The following HIRA variants were observed in gnomAD, a reference collection of about 807,000 sequenced individuals.
The protein encoded by HIRA is histone cell cycle regulator, also known as protein HIRA.
HIRA carries 13 observed loss-of-function variants against 126.6 expected under a neutral mutation model. The observed-to-expected ratio is 0.10, with a 90% CI of 0.07 to 0.16. The LOEUF (loss-of-function observed/expected upper bound fraction) is 0.16. Ranked by LOEUF, HIRA falls within the 10% of genes least tolerant of loss-of-function variation. The pLI, the probability that HIRA is intolerant of heterozygous loss-of-function variation, is 1.00. For missense variants in HIRA, 834 were observed against 1,314.4 expected, an observed-to-expected ratio of 0.63 and a Z score of 5.65; for synonymous variants, 511 against 520.0, an observed-to-expected ratio of 0.98 and a Z score of 0.24.
intron 1 of HIRA, among the ~76,000 whole-genome samples, chr22:19,414,749 T>C (rs2089381813): frequency 6.6e-6 from 1 of 152,188 alleles, no homozygotes; most frequent in Non-Finnish European, 1.5e-5. Flanking sequence ...GGGCCGGTCA[T>C]GGTGGCTCAC....
chr22:19,411,276 T>A (rs2089350115), intron 1 of HIRA, among the ~76,000 whole-genome samples: 1 of 152,256 alleles, frequency 6.6e-6, no homozygotes, highest in Non-Finnish European at 1.5e-5. Context: ...CATCTCAGCA[T>A]CTCCTCTGGC....
At chr22:19,418,925 AACACAC>A (rs66479451) in intron 1 of HIRA, among the ~76,000 whole-genome samples, 16 of 149,970 alleles carry the variant, frequency 1.1e-4, no homozygotes, top group South Asian at 4.2e-4. Flanking sequence ...ATAAGAAATA[AACACAC>A]ACACACACAC....
intron 1 of HIRA, among the ~76,000 whole-genome samples, chr22:19,416,193 A>T (rs1385455443): frequency 6.6e-6 from 1 of 152,254 alleles, no homozygotes; most frequent in Non-Finnish European, 1.5e-5. Flanking sequence ...ATGAAGTTGG[A>T]TCCCTATCTC....
At chr22:19,429,133 CT>C (rs57853722) in intron 1 of HIRA, among the ~76,000 whole-genome samples, 18,065 of 76,574 alleles carry the variant, frequency 0.24, 392 homozygotes, top group African/African-American at 0.32. Context: ...GTTGCCATAT[CT>C]TTTTTTTTTT....
rs1556004389 is a variant in HIRA at position 19,331,105 on chromosome 22, C to A, written c.*335G>T. 1 of 1,239,652 alleles carries A rather than the reference C, an allele frequency of 8.1e-7. No individual in the cohort carries two copies. Among genetic ancestry groups the A allele is most frequent in the African/African-American group, 1.5e-5 (1 of 64,992 alleles). The allele number at this position is 1,239,652 out of a possible 1,614,324, so 76.8% of individuals were successfully genotyped here. A position where few individuals can be genotyped will look rare whatever the true frequency, so the allele number is the denominator to read the frequency against. On this transcript the variant is annotated 3_prime_UTR_variant, in exon 25 of 25. Transcript: ENST00000263208. ...CACTGCTGAAGCAGCATGGTGCCTG[C>A]AGCAGCAGGGGCTAGTGTCCACCTT...
At chr22:19,395,478 G>C (rs1569306055) in intron 7 of HIRA, among the ~76,000 whole-genome samples, 2 of 152,132 alleles carry the variant, frequency 1.3e-5, no homozygotes, top group Non-Finnish European at 2.9e-5. Context: ...GAGCCCTGAG[G>C]AACTCCAGAA....
chr22:19,361,399 TA>T, intron 16 of HIRA, 58 bp from the exon 17 acceptor site: 1 of 1,452,256 alleles, frequency 6.9e-7, no homozygotes. Flanking sequence ...TAGCATTTGG[TA>T]AAGGCAGGTC....
chr22:19,342,896 C>T (rs1472220616), intron 24 of HIRA, among the ~76,000 whole-genome samples: 1 of 152,138 alleles, frequency 6.6e-6, no homozygotes, highest in East Asian at 1.9e-4. Context: ...TATATATACA[C>T]CATGGAATAC....
In HIRA at chr22:19,365,275, A is replaced by C. The variant is rs1437595782; in HGVS notation, c.1776-3344T>G. Among the ~76,000 whole-genome samples the C allele has an allele frequency of 2.6e-5, 4 of 152,372 alleles. No homozygotes were observed. The East Asian group carries it at 5.8e-4, about 22-fold the overall frequency. On this transcript the variant is annotated intron_variant, in intron 15 of 24. Transcript: ENST00000263208. ...TAAGATCATGGATGAAGGTGGTAAC[A>C]CTAAACAACAGATTGTCAGTGTAGG...
At chr22:19,368,669 T>C (rs5748156) in intron 15 of HIRA, among the ~76,000 whole-genome samples, 4,646 of 152,304 alleles carry the variant, frequency 0.031, 146 homozygotes, top group South Asian at 0.13. Flanking sequence ...TGTATTAAAA[T>C]GAGAGAATCC....
intron 24 of HIRA, among the ~76,000 whole-genome samples, chr22:19,341,931 A>G (rs2088633765): frequency 1.3e-5 from 2 of 152,252 alleles, no homozygotes; most frequent in Admixed American, 6.5e-5. Context: ...CAAATGCAAC[A>G]AAAACAAGGA....
rs191684431 is a variant in HIRA, at chr22:19,342,608, G to A, written c.2937+8750C>T. 4.3e-3 allele frequency among the ~76,000 whole-genome samples: 659 copies of A among 152,258 alleles called. 2 individuals carry two copies. Among genetic ancestry groups the A allele is most frequent in the Non-Finnish European group, 7.3e-3 (497 of 68,014 alleles). The stretch of plus-strand genomic sequence containing the variant: ...TCACCATGTTGGCTGTGCTGGTCTT[G>A]AACTCCTGACCTCAGGTGATCTTTC... On this transcript the variant is annotated intron_variant, in intron 24 of 24. Transcript: ENST00000263208.
Position 19,345,287 on chromosome 22 carries a change from G to A in HIRA, c.2937+6071C>T, listed in dbSNP as rs1449246502. On this transcript the variant is annotated intron_variant, in intron 24 of 24. Transcript: ENST00000263208. ...ACAAAGCAAAACATTCTGCCTGCCT[G>A]TGGTACTAGGAAGAAGCTGCAAGAG... 5.3e-5 allele frequency among the ~76,000 whole-genome samples: 8 copies of A among 152,266 alleles called. 1 individual carries two copies. The highest frequency in any genetic ancestry group is 9.6e-5 in the African/African-American group (4 of 41,472).
chr22:19,424,411 T>C (rs1024335700), intron 1 of HIRA, among the ~76,000 whole-genome samples: 1 of 152,222 alleles, frequency 6.6e-6, no homozygotes, highest in Non-Finnish European at 1.5e-5. Flanking sequence ...CAGAGAACTC[T>C]TGAAAATCAA....
At chr22:19,337,700 T>TA (rs2088581785) in intron 24 of HIRA, among the ~76,000 whole-genome samples, 1 of 152,086 alleles carries the variant, frequency 6.6e-6, no homozygotes. Context: ...ATCACCCAGG[T>TA]ACACAGTCAT....
chr22:19,352,077 T>C (rs2088764124), intron 23 of HIRA, among the ~76,000 whole-genome samples: 1 of 151,992 alleles, frequency 6.6e-6, no homozygotes, highest in African/African-American at 2.4e-5. Flanking sequence ...AACTGGAATC[T>C]GAGGAATTTT....
At chr22:19,359,624 C>T in intron 17 of HIRA, 140 bp from the exon 18 acceptor site, 1 of 954,426 alleles carries the variant, frequency 1.0e-6, no homozygotes, top group Non-Finnish European at 1.4e-6. Context: ...AGAGGGAGGG[C>T]AGGTAGGGCA....
chr22:19,417,855 T>C (rs926800022), intron 1 of HIRA, among the ~76,000 whole-genome samples: 1 of 152,226 alleles, frequency 6.6e-6, no homozygotes, highest in Admixed American at 6.5e-5. Flanking sequence ...CAAGTGTCCC[T>C]TGACCGATGA....
chr22:19,361,154 G>A (rs2088859592), intron 17 of HIRA, 83 bp downstream of exon 17: 1 of 1,064,156 alleles, frequency 9.4e-7, no homozygotes, highest in African/African-American at 1.6e-5. Context: ...CCAAGGAAGT[G>A]ACAAGATAGG....
Sources: allele counts gnomAD v4.1 joint callset (sites outside exome capture counted in the v4.1 genomes callset), GRCh38; gene constraint gnomAD v4.1.1; transcripts MANE v1.5; gene names NCBI Gene and HGNC (gene_info 2026-07-23, HGNC 2026-07-21).